The following FHIT variants were observed in gnomAD, a reference collection of about 807,000 sequenced individuals.
FHIT encodes the protein bis(5'-adenosyl)-triphosphatase.
Under a neutral mutation model 17.9 loss-of-function variants are expected in FHIT, and 19 were observed. The ratio of observed to expected loss-of-function variants is 1.06; its 90% CI spans 0.74 to 1.56. The LOEUF (loss-of-function observed/expected upper bound fraction) is 1.56. Among genes scored for constraint, FHIT ranks in the 40% most tolerant of loss-of-function variants. The pLI is 0.00. For missense variants in FHIT, 248 were observed against 189.2 expected (o/e 1.31, Z -1.82); for synonymous variants, 81 against 69.7 (o/e 1.16, Z -0.81).
chr3:60,796,665 C>G (rs1700990705), intron 4 of FHIT, among the ~76,000 whole-genome samples: 1 of 152,152 alleles, frequency 6.6e-6, no homozygotes, highest in African/African-American at 2.4e-5. Context: ...TCACTGCAAC[C>G]TCTGCTTCCT....
chr3:60,944,637 T>C (rs1409792425), intron 3 of FHIT, among the ~76,000 whole-genome samples: 1 of 152,208 alleles, frequency 6.6e-6, no homozygotes, highest in South Asian at 2.1e-4. Flanking sequence ...TTAATTGTTA[T>C]GGGCTAATGA....
chr3:60,336,461 G>T (rs924312078), intron 5 of FHIT, among the ~76,000 whole-genome samples: 16 of 152,080 alleles, frequency 1.1e-4, no homozygotes, highest in Non-Finnish European at 2.1e-4. Flanking sequence ...CTTGAACATA[G>T]CCCAAATTTT....
intron 5 of FHIT, among the ~76,000 whole-genome samples, chr3:60,099,058 G>C (rs1435382932): frequency 1.3e-5 from 2 of 152,084 alleles, no homozygotes; most frequent in Non-Finnish European, 2.9e-5. Context: ...AGCCTCTCCA[G>C]TATAACTGCC....
chr3:60,086,570 C>T (rs1012791880), intron 5 of FHIT, among the ~76,000 whole-genome samples: 1 of 152,202 alleles, frequency 6.6e-6, no homozygotes, highest in Non-Finnish European at 1.5e-5. Context: ...ACAATGGTTT[C>T]ATGGGCACTG....
intron 3 of FHIT, among the ~76,000 whole-genome samples, chr3:60,911,285 T>C (rs1706728043): frequency 6.6e-6 from 1 of 152,126 alleles, no homozygotes; most frequent in African/African-American, 2.4e-5. Context: ...TTTTGTGTGT[T>C]ACCCATTTAC....
chr3:60,846,514 C>T (rs1316397373), intron 3 of FHIT, among the ~76,000 whole-genome samples: 2 of 152,166 alleles, frequency 1.3e-5, no homozygotes, highest in African/African-American at 4.8e-5. Context: ...ACTTTAATCA[C>T]CTGTAGGGTG....
intron 4 of FHIT, among the ~76,000 whole-genome samples, chr3:60,541,141 G>A (rs1200370190): frequency 1.3e-5 from 2 of 152,142 alleles, no homozygotes; most frequent in African/African-American, 2.4e-5. Flanking sequence ...GCTTGAATAT[G>A]TCCAGTGATG....
chr3:60,251,933 C>A (rs1310337848), intron 5 of FHIT, among the ~76,000 whole-genome samples: 2 of 152,104 alleles, frequency 1.3e-5, no homozygotes, highest in Non-Finnish European at 2.9e-5. Flanking sequence ...TTATGAAGAC[C>A]TTCCAATGCA....
chr3:59,818,594 G>C (rs1051949473), intron 8 of FHIT, among the ~76,000 whole-genome samples: 2 of 152,176 alleles, frequency 1.3e-5, no homozygotes, highest in African/African-American at 4.8e-5. Context: ...TTCCGAATGT[G>C]ACCCGGCAGC....
intron 2 of FHIT, among the ~76,000 whole-genome samples, chr3:61,073,637 A>G (rs1239540469): frequency 6.6e-6 from 1 of 152,206 alleles, no homozygotes; most frequent in Non-Finnish European, 1.5e-5. Flanking sequence ...TGAGTATTCA[A>G]GCTTTAGGAG....
intron 2 of FHIT, among the ~76,000 whole-genome samples, chr3:61,094,575 C>T (rs369649556): frequency 3.9e-5 from 6 of 152,300 alleles, no homozygotes; most frequent in African/African-American, 1.4e-4. Context: ...TTCTCCTACA[C>T]ATGCATACCT....
chr3:60,145,919 T>C (rs757867116), intron 5 of FHIT, among the ~76,000 whole-genome samples: 1 of 152,190 alleles, frequency 6.6e-6, no homozygotes, highest in African/African-American at 2.4e-5. Flanking sequence ...CAGGTTGTTA[T>C]AAACCATCAA....
rs1553752450 is a variant in FHIT, at chr3:60,861,224, T to TATCATATATATGATAC, written c.-110-39214_-110-39213insGTATCATATATATGAT. Reference sequence around the variant, plus strand: ...TATGATATATATGATATATATGATATATATGATATATCATATCATATATGA... The same window carrying TATCATATATATGATAC: ...TATGATATATATGATATATATGATATATCATATATATGATACATATGATATATCATATCATATATGA... On this transcript the variant is annotated intron_variant, in intron 3 of 9. Transcript: ENST00000492590. Among the ~76,000 whole-genome samples, 2 of 32,526 alleles carry TATCATATATATGATAC rather than the reference T, an allele frequency of 6.1e-5. 1 individual carries two copies. The highest frequency in any genetic ancestry group is 1.4e-4 in the Non-Finnish European group (2 of 14,008). The allele number at this position is 32,526 out of a possible 152,430, so 21.3% of individuals were successfully genotyped here. A position where few individuals can be genotyped will look rare whatever the true frequency, so the allele number is the denominator to read the frequency against.
At chr3:60,458,317 A>C (rs2032241633) in intron 5 of FHIT, among the ~76,000 whole-genome samples, 1 of 152,038 alleles carries the variant, frequency 6.6e-6, no homozygotes, top group African/African-American at 2.4e-5. Flanking sequence ...CATTCTCAGC[A>C]AACTATGGCA....
chr3:60,713,772 G>A (rs1190150302), intron 4 of FHIT, among the ~76,000 whole-genome samples: 5 of 152,084 alleles, frequency 3.3e-5, no homozygotes, highest in African/African-American at 1.2e-4. Context: ...AACAGGATCT[G>A]AAATTGTGGC....
chr3:61,186,863 C>T lies in FHIT; in HGVS notation c.-164+13754G>A. Among the ~76,000 whole-genome samples the T allele has an allele frequency of 1.3e-5, 2 of 152,212 alleles. 1 individual carries two copies. On this transcript the variant is annotated intron_variant, in intron 2 of 9. Coordinates refer to ENST00000492590, the MANE Select transcript of FHIT (RefSeq NM_002012.4). Reference sequence around the variant, plus strand: ...CCACTCCTTACAAGCTGAATCCCTCCTCCTGTCCTTCTTTTCAGATCTTAA... The same window carrying T: ...CCACTCCTTACAAGCTGAATCCCTCTTCCTGTCCTTCTTTTCAGATCTTAA...
At chr3:60,767,549 T>A (rs1234098638) in intron 4 of FHIT, among the ~76,000 whole-genome samples, 2 of 152,222 alleles carry the variant, frequency 1.3e-5, no homozygotes, top group Non-Finnish European at 2.9e-5. Flanking sequence ...ACCTAGTGGC[T>A]CCCAATTCTA....
intron 2 of FHIT, among the ~76,000 whole-genome samples, chr3:61,181,757 A>C (rs2038350948): frequency 1.3e-5 from 2 of 152,304 alleles, no homozygotes; most frequent in South Asian, 4.1e-4. Context: ...TCCTAGCCTA[A>C]TTACTATTCT....
chr3:59,849,133 G>T (rs1701833227), intron 8 of FHIT, among the ~76,000 whole-genome samples: 1 of 152,164 alleles, frequency 6.6e-6, no homozygotes, highest in African/African-American at 2.4e-5. Flanking sequence ...CACTTTGGGA[G>T]GCCAAGGCAG....
Sources: gnomAD v4.1 joint callset for allele counts (sites outside exome capture counted in the v4.1 genomes callset) on GRCh38, gnomAD v4.1.1 for gene constraint, MANE v1.5 for transcripts, NCBI Gene and HGNC (gene_info 2026-07-23, HGNC 2026-07-21) for gene names.